HPSE2: variants seen among roughly 807,000 people sequenced by gnomAD.
HPSE2 encodes the protein heparanase 2 (inactive), also known as inactive heparanase-2.
Under a neutral mutation model 60.5 loss-of-function variants are expected in HPSE2, and 38 were observed. The ratio of observed to expected loss-of-function variants is 0.63; its 90% CI spans 0.48 to 0.82. The LOEUF (loss-of-function observed/expected upper bound fraction) is 0.82. Among genes scored for constraint, HPSE2 ranks in the 40% least tolerant of loss-of-function variants. The pLI, the probability that HPSE2 is intolerant of heterozygous loss-of-function variation, is 0.00. For synonymous variants in HPSE2, 295 were observed against 293.2 expected (o/e 1.01, Z -0.06); for missense variants, 713 against 740.4 (o/e 0.96, Z 0.43).
chr10:99,005,774 AATTC>A (rs1956877698), intron 3 of HPSE2, among the ~76,000 whole-genome samples: 1 of 152,150 alleles, frequency 6.6e-6, no homozygotes, highest in South Asian at 2.1e-4. Flanking sequence ...AAGAAGTTGG[AATTC>A]ACTCTAGTTT....
chr10:99,024,407 G>T (rs1957331705), intron 3 of HPSE2, among the ~76,000 whole-genome samples: 1 of 152,118 alleles, frequency 6.6e-6, no homozygotes, highest in African/African-American at 2.4e-5. Flanking sequence ...TGCAATGGAT[G>T]CACAAATAAT....
In HPSE2 at chr10:98,611,114, T is replaced by C. The variant is rs188719134; in HGVS notation, c.1320+3790A>G. 8.6e-5 allele frequency among the ~76,000 whole-genome samples: 13 copies of C among 151,916 alleles called. No individual in the cohort carries two copies. The East Asian group carries it at 2.5e-3, about 29-fold the overall frequency. Reference sequence around the variant, plus strand: ...GTTGGGGGGGGCCAGGGGAAGGGAGTGGGAGTCGAGTGATGAAGCATGGCT... The same window carrying C: ...GTTGGGGGGGGCCAGGGGAAGGGAGCGGGAGTCGAGTGATGAAGCATGGCT... On this transcript the variant is annotated intron_variant, in intron 9 of 11. Coordinates refer to ENST00000370552, the MANE Select transcript of HPSE2 (RefSeq NM_021828.5).
chr10:98,634,579 A>G (rs1019427896), intron 7 of HPSE2, among the ~76,000 whole-genome samples: 1 of 152,316 alleles, frequency 6.6e-6, no homozygotes, highest in Non-Finnish European at 1.5e-5. Context: ...ATAAGCAGGT[A>G]AACTGGAAAG....
chr10:98,658,772 T>C (rs756626096), intron 6 of HPSE2, among the ~76,000 whole-genome samples: 8 of 152,320 alleles, frequency 5.3e-5, no homozygotes, highest in Non-Finnish European at 7.4e-5. Flanking sequence ...ATTACTTATA[T>C]TTGATTTATC....
At chr10:98,928,664 A>C (rs1217850860) in intron 3 of HPSE2, among the ~76,000 whole-genome samples, 1 of 134,460 alleles carries the variant, frequency 7.4e-6, no homozygotes, top group East Asian at 2.1e-4. Flanking sequence ...CAGCCATAAA[A>C]ATGATGAGTT....
At chr10:99,144,160 A>T in intron 3 of HPSE2, 78 bp downstream of exon 3, 1 of 1,300,086 alleles carries the variant, frequency 7.7e-7, no homozygotes, top group Non-Finnish European at 1.1e-6. Flanking sequence ...TAGTGGGTGT[A>T]GACAGACAGA....
At chr10:99,270,118 A>G in the HPSE2 span, among the ~76,000 whole-genome samples, 1 of 152,192 alleles carries the variant, frequency 6.6e-6, no homozygotes, top group Admixed American at 6.6e-5. Flanking sequence ...GCAGAAGAAA[A>G]GAAATAACAA....
At chr10:99,209,570 T>C (rs1463256275) in intron 2 of HPSE2, among the ~76,000 whole-genome samples, 1 of 151,196 alleles carries the variant, frequency 6.6e-6, no homozygotes, top group Non-Finnish European at 1.5e-5. Context: ...CTGAAGGAAC[T>C]AGAAAAAAAG....
intron 9 of HPSE2, among the ~76,000 whole-genome samples, chr10:98,590,137 C>T (rs2133940710): frequency 6.6e-6 from 1 of 152,348 alleles, no homozygotes; most frequent in Admixed American, 6.5e-5. Flanking sequence ...ACCCCCAAAG[C>T]CTTAGTCATA....
intron 3 of HPSE2, among the ~76,000 whole-genome samples, chr10:99,110,285 C>T (rs1234717019): frequency 6.6e-6 from 1 of 152,086 alleles, no homozygotes; most frequent in African/African-American, 2.4e-5. Flanking sequence ...GCTCTTCAGC[C>T]GTAAATCCTC....
At chr10:98,915,023 G>T (rs912058096) in intron 3 of HPSE2, among the ~76,000 whole-genome samples, 7 of 151,740 alleles carry the variant, frequency 4.6e-5, no homozygotes, top group African/African-American at 1.7e-4. Context: ...AAAACCACTG[G>T]AAGGAAATAT....
intron 4 of HPSE2, among the ~76,000 whole-genome samples, chr10:98,725,470 C>G (rs1589714832): frequency 6.6e-6 from 1 of 152,138 alleles, no homozygotes; most frequent in Non-Finnish European, 1.5e-5. Context: ...CTTCCTTACA[C>G]CTTATACAAA....
intron 2 of HPSE2, among the ~76,000 whole-genome samples, chr10:99,161,057 C>T (rs1012881058): frequency 1.3e-5 from 2 of 151,596 alleles, no homozygotes; most frequent in African/African-American, 2.4e-5. Flanking sequence ...CCCATCTGTA[C>T]AAAAAATTTA....
At chr10:98,667,155 G>A (rs1947385430) in intron 6 of HPSE2, among the ~76,000 whole-genome samples, 1 of 152,094 alleles carries the variant, frequency 6.6e-6, no homozygotes, top group Non-Finnish European at 1.5e-5. Context: ...ACACCTCTAT[G>A]TACACAAAGT....
chr10:98,892,643 A>G (rs559012372), intron 3 of HPSE2, among the ~76,000 whole-genome samples: 16 of 152,290 alleles, frequency 1.1e-4, no homozygotes, highest in Non-Finnish European at 2.2e-4. Context: ...TACTGAGTTG[A>G]ATTTCATTCT....
At chr10:99,156,431 C>T (rs1262977966) in intron 2 of HPSE2, among the ~76,000 whole-genome samples, 42 of 137,718 alleles carry the variant, frequency 3.0e-4, no homozygotes, top group Non-Finnish European at 5.3e-4. Context: ...CCCTGGGATG[C>T]AAGGCTGGTT....
At chr10:99,140,501 C>A (rs1461143937) in intron 3 of HPSE2, among the ~76,000 whole-genome samples, 1 of 152,190 alleles carries the variant, frequency 6.6e-6, no homozygotes, top group Non-Finnish European at 1.5e-5. Context: ...GCTTTACATG[C>A]AATCCAGAAT....
At chr10:98,466,610 CA>C (rs397965207) in intron 11 of HPSE2, among the ~76,000 whole-genome samples, 8,622 of 78,858 alleles carry the variant, frequency 0.11, 664 homozygotes, top group African/African-American at 0.27. Context: ...GACTCCGTCT[CA>C]AAAAAAAAAA....
At chr10:99,168,087 T>TACACACAC (rs56393224) in intron 2 of HPSE2, among the ~76,000 whole-genome samples, 11,922 of 144,564 alleles carry the variant, frequency 0.082, 631 homozygotes, top group Admixed American at 0.16. Context: ...TCAGCCTATT[T>TACACACAC]ACACACACAC....
Sources: allele counts gnomAD v4.1 joint callset (sites outside exome capture counted in the v4.1 genomes callset), GRCh38; gene constraint gnomAD v4.1.1; transcripts MANE v1.5; gene names NCBI Gene and HGNC (gene_info 2026-07-23, HGNC 2026-07-21).